The following ZMAT4 variants were observed in gnomAD, a reference collection of about 807,000 sequenced individuals.
ZMAT4 encodes zinc finger matrin-type 4, also known as zinc finger matrin-type protein 4.
In ZMAT4, 17 loss-of-function variants were observed where a neutral mutation model predicts 28.7. The ratio of observed to expected loss-of-function variants is 0.59; its 90% CI spans 0.41 to 0.89. The LOEUF (loss-of-function observed/expected upper bound fraction) is 0.89, where lower values mean the gene tolerates loss of function less well. Ranked by LOEUF, ZMAT4 falls within the 40% of genes least tolerant of loss-of-function variation. The pLI, the probability that ZMAT4 is intolerant of heterozygous loss-of-function variation, is 0.00. For synonymous variants in ZMAT4, 117 were observed against 109.2 expected (o/e 1.07, Z -0.44); for missense variants, 240 against 283.8 (o/e 0.85, Z 1.11).
chr8:40,711,366 A>G (rs772991688), intron 3 of ZMAT4, among the ~76,000 whole-genome samples: 1 of 152,244 alleles, frequency 6.6e-6, no homozygotes, highest in Non-Finnish European at 1.5e-5. Context: ...TTGGGCATCA[A>G]CAGCTGCTAA....
chr8:40,820,464 G>T (rs994585677), intron 2 of ZMAT4, among the ~76,000 whole-genome samples: 18 of 150,926 alleles, frequency 1.2e-4, no homozygotes, highest in Non-Finnish European at 2.4e-4. Flanking sequence ...GTGTCTGGGG[G>T]TGTATGTGTG....
intron 2 of ZMAT4, chr8:40,786,883 AT>A: frequency 2.4e-6 from 1 of 424,268 alleles, no homozygotes. Context: ...CTAGAATGTA[AT>A]TTTGGATTCA....
At chr8:40,702,156 C>T (rs1810176985) in intron 3 of ZMAT4, among the ~76,000 whole-genome samples, 1 of 152,102 alleles carries the variant, frequency 6.6e-6, no homozygotes, top group Admixed American at 6.5e-5. Context: ...TTGGACTTCC[C>T]AGCTTCTAGA....
intron 5 of ZMAT4, among the ~76,000 whole-genome samples, chr8:40,619,153 T>A (rs540069776): frequency 6.6e-6 from 1 of 152,212 alleles, no homozygotes; most frequent in Non-Finnish European, 1.5e-5. Flanking sequence ...CACAGGGACA[T>A]CAAAGTGGGC....
At chr8:40,608,806 T>C (rs990833430) in intron 5 of ZMAT4, among the ~76,000 whole-genome samples, 1 of 152,176 alleles carries the variant, frequency 6.6e-6, no homozygotes, top group Non-Finnish European at 1.5e-5. Context: ...TCTCAATTTG[T>C]CTCAGCTCCA....
intron 2 of ZMAT4, among the ~76,000 whole-genome samples, chr8:40,776,211 T>A (rs2150568191): frequency 6.6e-6 from 1 of 152,326 alleles, no homozygotes; most frequent in Non-Finnish European, 1.5e-5. Flanking sequence ...GCAAAAAGGG[T>A]AGTCCCAATG....
intron 3 of ZMAT4, among the ~76,000 whole-genome samples, chr8:40,713,369 G>A (rs903424605): frequency 6.6e-6 from 1 of 151,568 alleles, no homozygotes; most frequent in Non-Finnish European, 1.5e-5. Flanking sequence ...TAAAATATAT[G>A]CATATCCTAT....
At chr8:40,631,835 A>G (rs1384106214) in intron 5 of ZMAT4, among the ~76,000 whole-genome samples, 3 of 152,258 alleles carry the variant, frequency 2.0e-5, no homozygotes, top group Non-Finnish European at 2.9e-5. Flanking sequence ...GTGTCTGAAC[A>G]CAAGACTAAG....
At chr8:40,874,541 C>A (rs897618131) in intron 1 of ZMAT4, among the ~76,000 whole-genome samples, 2 of 152,244 alleles carry the variant, frequency 1.3e-5, no homozygotes. Context: ...CAGAGAAGAG[C>A]AGTCCCTAAA....
intron 1 of ZMAT4, among the ~76,000 whole-genome samples, chr8:40,853,520 C>T (rs950949073): frequency 6.6e-6 from 1 of 152,112 alleles, no homozygotes; most frequent in African/African-American, 2.4e-5. Flanking sequence ...TTTGCCACTG[C>T]ACTCCAGCCC....
At chr8:40,763,556 C>A (rs1813022602) in intron 3 of ZMAT4, among the ~76,000 whole-genome samples, 1 of 152,092 alleles carries the variant, frequency 6.6e-6, no homozygotes, top group South Asian at 2.1e-4. Flanking sequence ...CTCCAGACCC[C>A]ATAACAGTTA....
Position 40,623,559 on chromosome 8 carries a change from G to A in ZMAT4, c.578-42298C>T, listed in dbSNP as rs150487095. Among the ~76,000 whole-genome samples, 14 of 152,290 alleles carry A rather than the reference G, an allele frequency of 9.2e-5. No homozygotes were observed. In the East Asian group the frequency reaches 2.5e-3, roughly 27 times the overall value. Reference sequence around the variant, plus strand: ...ACCTTAGTTGGGCCTGCTTAGCCTTGCTGGAAGAAGTGGTGATCTCTAGCC... The same window carrying A: ...ACCTTAGTTGGGCCTGCTTAGCCTTACTGGAAGAAGTGGTGATCTCTAGCC... On this transcript the variant is annotated intron_variant, in intron 5 of 6. Coordinates refer to ENST00000297737, the MANE Select transcript of ZMAT4 (RefSeq NM_024645.3).
In ZMAT4 at chr8:40,799,019, C is replaced by T. The variant is rs10092854; in HGVS notation, c.102+26556G>A. Among the ~76,000 whole-genome samples, 714 of 152,246 alleles carry T rather than the reference C, an allele frequency of 4.7e-3. 2 individuals carry two copies. The highest frequency in any genetic ancestry group is 0.016 in the African/African-American group (680 of 41,542). The stretch of plus-strand genomic sequence containing the variant: ...TGTCTGTCTGTGTGTCCATTTCCAT[C>T]TTGATAAATAGATAGAAGGATAGAT... On this transcript the variant is annotated intron_variant, in intron 2 of 6. Transcript: ENST00000297737.
chr8:40,766,861 CA>C (rs1173595487), intron 3 of ZMAT4, among the ~76,000 whole-genome samples: 1 of 152,176 alleles, frequency 6.6e-6, no homozygotes, highest in African/African-American at 2.4e-5. Context: ...AGAAAGAAAA[CA>C]AGATCACAAG....
At chr8:40,707,071 A>G (rs1035279008) in intron 3 of ZMAT4, among the ~76,000 whole-genome samples, 2 of 152,282 alleles carry the variant, frequency 1.3e-5, no homozygotes, top group African/African-American at 2.4e-5. Context: ...CTTTGTTCAC[A>G]TGGTTCACTC....
At chr8:40,803,120 C>G (rs149850916) in intron 2 of ZMAT4, among the ~76,000 whole-genome samples, 164 of 152,176 alleles carry the variant, frequency 1.1e-3, no homozygotes, top group Non-Finnish European at 1.7e-3. Flanking sequence ...TATGAAATTT[C>G]TAGAAGATAA....
intron 3 of ZMAT4, among the ~76,000 whole-genome samples, chr8:40,747,786 T>C (rs1425386657): frequency 6.6e-6 from 1 of 152,148 alleles, no homozygotes; most frequent in Non-Finnish European, 1.5e-5. Flanking sequence ...ATTTGTTAAT[T>C]CTAGGATGTG....
intron 2 of ZMAT4, among the ~76,000 whole-genome samples, chr8:40,822,834 C>T (rs975758004): frequency 6.6e-6 from 1 of 152,132 alleles, no homozygotes; most frequent in African/African-American, 2.4e-5. Context: ...AATGTTATCT[C>T]GATGATGTGT....
rs575386043 is a variant in ZMAT4 at position 40,667,727 on chromosome 8, T to C, written c.577+6977A>G. Among the ~76,000 whole-genome samples the C allele has an allele frequency of 6.1e-4, 92 of 151,964 alleles. 2 individuals carry two copies. In the South Asian group the frequency reaches 0.018, roughly 29 times the overall value. On this transcript the variant is annotated intron_variant, in intron 5 of 6. Transcript: ENST00000297737. Reference sequence around the variant, plus strand: ...GCTCTTAAGAAGCACAGGAAACTCATGGCTACAAGAACAAGTTGAATGATT... The same window carrying C: ...GCTCTTAAGAAGCACAGGAAACTCACGGCTACAAGAACAAGTTGAATGATT...
Sources: gnomAD v4.1 joint callset for allele counts (sites outside exome capture counted in the v4.1 genomes callset) on GRCh38, gnomAD v4.1.1 for gene constraint, MANE v1.5 for transcripts, NCBI Gene and HGNC (gene_info 2026-07-23, HGNC 2026-07-21) for gene names.